Variants in OSBPL10 observed in about 807,000 individuals in gnomAD.
OSBPL10 encodes oxysterol binding protein like 10, also known as oxysterol-binding protein-related protein 10.
A neutral mutation model predicts 81.7 loss-of-function variants in OSBPL10; 49 were observed. The observed-to-expected ratio is 0.60, with a 90% CI of 0.48 to 0.76. The LOEUF is 0.76. Among genes scored for constraint, OSBPL10 ranks in the 30% least tolerant of loss-of-function variants. The pLI is 0.00. For missense variants in OSBPL10, 923 were observed against 987.8 expected (o/e 0.93, Z 0.88); for synonymous variants, 419 against 383.6 (o/e 1.09, Z -1.08).
chr3:31,674,571 CAGATAGATAGATT>C, intron 8 of OSBPL10, among the ~76,000 whole-genome samples: 2 of 147,176 alleles, frequency 1.4e-5, no homozygotes, highest in African/African-American at 2.5e-5. Context: ...AATAGATAGA[CAGATAGATAGATT>C]AGATAGATAG....
chr3:31,943,791 C>A (rs1350992814), intron 1 of OSBPL10, among the ~76,000 whole-genome samples: 3 of 151,652 alleles, frequency 2.0e-5, no homozygotes, highest in African/African-American at 7.3e-5. Context: ...TAGGGTGAAA[C>A]CCCGTCTCTA....
chr3:31,895,747 A>T (rs1214850878), intron 1 of OSBPL10, among the ~76,000 whole-genome samples: 1 of 152,202 alleles, frequency 6.6e-6, no homozygotes, highest in Non-Finnish European at 1.5e-5. Flanking sequence ...CTGGTAAGTG[A>T]CTCAGTGTTC....
Position 31,670,921 on chromosome 3 carries a change from G to A in OSBPL10, c.1789C>T (p.Arg597Trp), listed in dbSNP as rs1420793446. 6.2e-6 allele frequency: 10 copies of A among 1,614,168 alleles called. No homozygotes were observed. Among genetic ancestry groups the A allele is most frequent in the South Asian group, 2.2e-5 (2 of 91,082 alleles). The stretch of plus-strand genomic sequence containing the variant: ...ACCCACGGGATGGTGAGAATGGACC[G>A]GGCGTAGGCACTAGGCAGGGTGAAT... ...YVFTLPSAYA[R>W]SILTIPWVEL... Residue 597 changes from arginine (R) to tryptophan (W), a missense_variant, in exon 9 of 12, where the codon CGG (arginine) becomes TGG (tryptophan). Arg to Trp is a moderately radical substitution (Grantham distance 101). This residue lies in a region of OSBPL10 where 387 missense variants were observed against 436.3 expected (regional missense o/e 0.89). Transcript: ENST00000396556.
intron 1 of OSBPL10, among the ~76,000 whole-genome samples, chr3:31,933,405 A>AT (rs1697302326): frequency 1.4e-5 from 2 of 138,014 alleles, no homozygotes; most frequent in South Asian, 2.4e-4. Flanking sequence ...GGAAACAATA[A>AT]ATTTTTTTTT....
At chr3:32,013,170 C>T (rs1699277079) in intron 2 of OSBPL10, among the ~76,000 whole-genome samples, 1 of 152,142 alleles carries the variant, frequency 6.6e-6, no homozygotes, top group African/African-American at 2.4e-5. Context: ...TGCACTTATT[C>T]CAAAATTGAC....
intron 1 of OSBPL10, among the ~76,000 whole-genome samples, chr3:32,048,176 A>G (rs1461965917): frequency 6.6e-6 from 1 of 151,658 alleles, no homozygotes; most frequent in Admixed American, 6.6e-5. Flanking sequence ...AGTTCCTATT[A>G]ATTTTGCTTT....
At chr3:32,006,323 T>C (rs965795150) in intron 2 of OSBPL10, among the ~76,000 whole-genome samples, 2 of 152,224 alleles carry the variant, frequency 1.3e-5, no homozygotes, top group African/African-American at 4.8e-5. Context: ...ACTTTGTGTA[T>C]TTTTCTGTTG....
At chr3:31,876,793 GA>G (rs1309719561) in intron 2 of OSBPL10, among the ~76,000 whole-genome samples, 2 of 151,568 alleles carry the variant, frequency 1.3e-5, no homozygotes, top group African/African-American at 4.8e-5. Flanking sequence ...AGCCTCCTCT[GA>G]AAAAAGTCAT....
chr3:31,768,312 C>T (rs939020241), intron 4 of OSBPL10, among the ~76,000 whole-genome samples: 1 of 152,076 alleles, frequency 6.6e-6, no homozygotes, highest in Non-Finnish European at 1.5e-5. Context: ...GCGACCCATA[C>T]CTTGCAAAAC....
At chr3:31,947,265 T>C (rs1055081506) in intron 1 of OSBPL10, among the ~76,000 whole-genome samples, 2 of 152,094 alleles carry the variant, frequency 1.3e-5, no homozygotes, top group Non-Finnish European at 2.9e-5. Flanking sequence ...GTGTAGCAGC[T>C]CTGGATCTAG....
chr3:31,708,735 C>T (rs1318420748), intron 6 of OSBPL10: 2 of 985,318 alleles, frequency 2.0e-6, no homozygotes, highest in Non-Finnish European at 2.4e-6. Context: ...ACACACTGCA[C>T]AGGTGAGATT....
chr3:31,664,192 C>A lies in OSBPL10; in HGVS notation c.2137G>T (p.Asp713Tyr). 1 of 1,613,040 alleles carries A rather than the reference C, an allele frequency of 6.2e-7. No individual in the cohort carries two copies. Among genetic ancestry groups the A allele is most frequent in the Non-Finnish European group, 8.5e-7 (1 of 1,179,948 alleles). Residue 713 changes from aspartate (D) to tyrosine (Y), a missense_variant, in exon 11 of 12, where the codon GAC becomes TAC. Physicochemically the swap from Asp to Tyr is radical, Grantham distance 160 (BLOSUM62 -3). Coordinates refer to ENST00000396556, the MANE Select transcript of OSBPL10 (RefSeq NM_017784.5). ...REVTRYLRLG[D>Y]IDAATEQKRH... ...TTCTGCTCGGTGGCTGCGTCAATGT[C>A]CCCCAGCCGCAGGTATCGGGTCACC...
chr3:31,716,081 T>C (rs1696423226), intron 6 of OSBPL10, among the ~76,000 whole-genome samples: 1 of 152,176 alleles, frequency 6.6e-6, no homozygotes, highest in African/African-American at 2.4e-5. Flanking sequence ...TCCCTGGACC[T>C]GCAGCAGCAG....
chr3:31,894,325 C>T (rs1695994300), intron 1 of OSBPL10, among the ~76,000 whole-genome samples: 1 of 152,106 alleles, frequency 6.6e-6, no homozygotes, highest in East Asian at 1.9e-4. Flanking sequence ...CAGGAAGGAA[C>T]GGGCCTGGGA....
chr3:31,754,230 A>G (rs1013552255), intron 4 of OSBPL10, among the ~76,000 whole-genome samples: 2 of 152,188 alleles, frequency 1.3e-5, no homozygotes, highest in South Asian at 4.2e-4. Flanking sequence ...ACCCACAAAC[A>G]CAATCCTGTG....
At chr3:32,049,417 A>G (rs910345019) in intron 1 of OSBPL10, among the ~76,000 whole-genome samples, 2 of 152,160 alleles carry the variant, frequency 1.3e-5, no homozygotes, top group African/African-American at 4.8e-5. Context: ...GGTAGGATAC[A>G]TTTTACCCAG....
At chr3:31,947,776 G>C (rs1575053898) in intron 1 of OSBPL10, among the ~76,000 whole-genome samples, 2 of 152,284 alleles carry the variant, frequency 1.3e-5, no homozygotes, top group South Asian at 2.1e-4. Flanking sequence ...ATATTCCCTG[G>C]AGGCAGAGCC....
At chr3:32,013,151 G>T (rs1699276640) in intron 2 of OSBPL10, among the ~76,000 whole-genome samples, 1 of 152,096 alleles carries the variant, frequency 6.6e-6, no homozygotes, top group Admixed American at 6.5e-5. Context: ...ATTCTTCTCA[G>T]CACCACACTG....
intron 3 of OSBPL10, among the ~76,000 whole-genome samples, chr3:31,869,616 G>C (rs1482550191): frequency 1.3e-5 from 2 of 152,166 alleles, no homozygotes; most frequent in Non-Finnish European, 2.9e-5. Context: ...GGGCTCAAGG[G>C]GATGGGGGTG....
Sources: allele counts gnomAD v4.1 joint callset (sites outside exome capture counted in the v4.1 genomes callset), GRCh38; gene constraint gnomAD v4.1.1; regional missense constraint gnomAD v4.1.1; transcripts MANE v1.5; gene names NCBI Gene and HGNC (gene_info 2026-07-23, HGNC 2026-07-21).